Variants in ERC2 observed in about 807,000 individuals in gnomAD.
ERC2 encodes ELKS/RAB6-interacting/CAST family member 2, also known as ERC protein 2.
ERC2 carries 42 observed loss-of-function variants against 114.8 expected under a neutral mutation model. The observed-to-expected ratio is 0.37, with a 90% confidence interval of 0.29 to 0.47. The LOEUF is 0.47. Ranked by LOEUF, ERC2 falls within the 20% of genes least tolerant of loss-of-function variation. ERC2 has a pLI of 0.99. For synonymous variants in ERC2, 454 were observed against 425.5 expected, an observed-to-expected ratio of 1.07 and a Z score of -0.82; for missense variants, 939 against 1,150.7, an observed-to-expected ratio of 0.82 and a Z score of 2.66.
At chr3:55,781,350 C>T (rs546442197) in intron 14 of ERC2, among the ~76,000 whole-genome samples, 15 of 152,260 alleles carry the variant, frequency 9.9e-5, no homozygotes, top group South Asian at 4.1e-4. Context: ...AACCACAGGC[C>T]CTGCCCACCA....
intron 3 of ERC2, among the ~76,000 whole-genome samples, chr3:56,225,256 G>T (rs1454018739): frequency 6.6e-6 from 1 of 152,068 alleles, no homozygotes; most frequent in Admixed American, 6.6e-5. Context: ...AAAAAAGGGG[G>T]AAAAAAGCAT....
intron 2 of ERC2, among the ~76,000 whole-genome samples, chr3:56,419,608 T>C (rs2061309212): frequency 6.6e-6 from 1 of 152,252 alleles, no homozygotes; most frequent in Admixed American, 6.5e-5. Flanking sequence ...ACAAACTGAA[T>C]AGCAGTGAAA....
intron 17 of ERC2, among the ~76,000 whole-genome samples, chr3:55,517,809 A>C (rs2052634116): frequency 6.6e-6 from 1 of 152,246 alleles, no homozygotes; most frequent in East Asian, 1.9e-4. Context: ...AAAGCAGTGA[A>C]ATAAAAGATC....
intron 14 of ERC2, among the ~76,000 whole-genome samples, chr3:55,836,925 CCA>C (rs1470313189): frequency 6.6e-6 from 1 of 152,086 alleles, no homozygotes; most frequent in East Asian, 1.9e-4. Flanking sequence ...ACTAACAACC[CCA>C]TCAAAAAGTG....
At chr3:56,246,535 A>G (rs2051722771) in intron 3 of ERC2, among the ~76,000 whole-genome samples, 1 of 152,066 alleles carries the variant, frequency 6.6e-6, no homozygotes, top group Non-Finnish European at 1.5e-5. Context: ...CACTATTCCA[A>G]TCATGTTTCC....
intron 17 of ERC2, among the ~76,000 whole-genome samples, chr3:55,602,206 T>C (rs924867814): frequency 2.6e-5 from 4 of 152,142 alleles, no homozygotes; most frequent in African/African-American, 7.2e-5. Flanking sequence ...GAATCTGCCG[T>C]CAAACTGCGT....
At chr3:56,164,061 C>G (rs918569209) in intron 4 of ERC2, among the ~76,000 whole-genome samples, 1 of 151,838 alleles carries the variant, frequency 6.6e-6, no homozygotes, top group Non-Finnish European at 1.5e-5. Flanking sequence ...CTTAAGTAAG[C>G]AAAGTTATTA....
intron 14 of ERC2, among the ~76,000 whole-genome samples, chr3:55,797,570 G>A (rs538412549): frequency 6.6e-6 from 1 of 152,258 alleles, no homozygotes; most frequent in Admixed American, 6.5e-5. Context: ...AAGCATATAA[G>A]GAAACCAGTC....
At chr3:55,519,875 A>C (rs2052783315) in intron 17 of ERC2, among the ~76,000 whole-genome samples, 1 of 151,962 alleles carries the variant, frequency 6.6e-6, no homozygotes, top group Non-Finnish European at 1.5e-5. Context: ...GAAACACGAC[A>C]AAACCTCATC....
chr3:55,532,883 T>C (rs1158518107), intron 17 of ERC2, among the ~76,000 whole-genome samples: 1 of 152,202 alleles, frequency 6.6e-6, no homozygotes, highest in Non-Finnish European at 1.5e-5. Flanking sequence ...GCTGGGATGA[T>C]AGCAGCAACT....
chr3:55,631,098 A>G (rs1286167529), intron 17 of ERC2, among the ~76,000 whole-genome samples: 1 of 152,140 alleles, frequency 6.6e-6, no homozygotes, highest in Non-Finnish European at 1.5e-5. Context: ...TGATTGTCTC[A>G]TGGTGGTTTA....
chr3:55,913,071 G>A (rs1277726696), intron 13 of ERC2, among the ~76,000 whole-genome samples: 2 of 152,014 alleles, frequency 1.3e-5, no homozygotes, highest in African/African-American at 4.8e-5. Flanking sequence ...CTGCAGCCTT[G>A]AACTCCTGGG....
At chr3:56,079,666 C>A (rs971679716) in intron 7 of ERC2, among the ~76,000 whole-genome samples, 1 of 152,038 alleles carries the variant, frequency 6.6e-6, no homozygotes, top group East Asian at 1.9e-4. Context: ...TAAGGCTCTA[C>A]GGTTACCATC....
intron 14 of ERC2, among the ~76,000 whole-genome samples, chr3:55,829,938 C>T (rs2060498502): frequency 6.6e-6 from 1 of 152,076 alleles, no homozygotes; most frequent in Non-Finnish European, 1.5e-5. Context: ...TGGTAATAGA[C>T]ATAAATATAC....
chr3:56,290,896 T>C (rs958929041), intron 3 of ERC2, among the ~76,000 whole-genome samples: 1 of 152,140 alleles, frequency 6.6e-6, no homozygotes, highest in Non-Finnish European at 1.5e-5. Flanking sequence ...CCTGGGTTAT[T>C]AGCAACTGTG....
chr3:56,219,239 C>T (rs898220658), intron 3 of ERC2, among the ~76,000 whole-genome samples: 5 of 152,104 alleles, frequency 3.3e-5, no homozygotes, highest in Non-Finnish European at 7.3e-5. Flanking sequence ...AAAGAACTTA[C>T]TCATGTAACC....
chr3:55,687,216 CTTG>C (rs1416783180), intron 16 of ERC2, among the ~76,000 whole-genome samples: 2 of 152,156 alleles, frequency 1.3e-5, no homozygotes, highest in Non-Finnish European at 2.9e-5. Context: ...AGACAAGAGA[CTTG>C]TTGTTGTGGG....
intron 2 of ERC2, among the ~76,000 whole-genome samples, chr3:56,398,715 T>A (rs2060409041): frequency 1.3e-5 from 2 of 152,102 alleles, no homozygotes; most frequent in Non-Finnish European, 2.9e-5. Context: ...GTAACTCCTG[T>A]GCTCAAGCAA....
chr3:56,128,530 G>C (rs1378960180), intron 6 of ERC2, among the ~76,000 whole-genome samples: 2 of 152,096 alleles, frequency 1.3e-5, no homozygotes, highest in Non-Finnish European at 2.9e-5. Context: ...TGCAAATGTG[G>C]TTTAAGTTTT....
Sources: allele counts gnomAD v4.1 joint callset (sites outside exome capture counted in the v4.1 genomes callset), GRCh38; gene constraint gnomAD v4.1.1; transcripts MANE v1.5; gene names NCBI Gene and HGNC (gene_info 2026-07-23, HGNC 2026-07-21).